Variants in KCNH8 observed in about 807,000 individuals in gnomAD.
The protein encoded by KCNH8 is voltage-gated delayed rectifier potassium channel KCNH8.
A neutral mutation model predicts 103.6 loss-of-function variants in KCNH8; 70 were observed. That is an observed-to-expected ratio of 0.68 (90% CI 0.56 to 0.82). The LOEUF (loss-of-function observed/expected upper bound fraction) is 0.82, where lower values mean the gene tolerates loss of function less well. Ranked by LOEUF, KCNH8 falls within the 40% of genes least tolerant of loss-of-function variation. KCNH8 has a pLI of 0.00. For synonymous variants in KCNH8, 498 were observed against 489.4 expected (o/e 1.02, Z -0.23); for missense variants, 1,217 against 1,329.9 (o/e 0.92, Z 1.32).
At chr3:19,192,739 A>T (rs1414899775) in intron 1 of KCNH8, among the ~76,000 whole-genome samples, 1 of 151,624 alleles carries the variant, frequency 6.6e-6, no homozygotes, top group Non-Finnish European at 1.5e-5. Context: ...CGAGTAACTG[A>T]TTATATTTTT....
chr3:19,295,408 AAATAAATAAATAAAT>A (rs2064983707), intron 3 of KCNH8, among the ~76,000 whole-genome samples: 2 of 151,704 alleles, frequency 1.3e-5, no homozygotes, highest in African/African-American at 4.8e-5. Flanking sequence ...ATAAATAAAT[AAATAAATAAATAAAT>A]AAGTTCAGGC....
intron 5 of KCNH8, among the ~76,000 whole-genome samples, chr3:19,372,749 T>C (rs1206946380): frequency 6.6e-6 from 1 of 152,138 alleles, no homozygotes; most frequent in Non-Finnish European, 1.5e-5. Context: ...GCTGTGGGTT[T>C]GTCATAGATA....
At chr3:19,166,354 A>G (rs1298433359) in intron 1 of KCNH8, among the ~76,000 whole-genome samples, 2 of 152,204 alleles carry the variant, frequency 1.3e-5, no homozygotes, top group African/African-American at 2.4e-5. Context: ...ATCAAAAAAG[A>G]GTTCTGATAT....
rs2063355168 is a variant in KCNH8, at chr3:19,172,226, A to G, written c.76+23431A>G. ...GCAAAAAAATTGTATTTGGAACTAT[A>G]TGTACCTCAGAGAAAGAGGGGGGCC... On this transcript the variant is annotated intron_variant, in intron 1 of 15. Transcript: ENST00000328405. 2.0e-5 allele frequency among the ~76,000 whole-genome samples: 3 copies of G among 152,196 alleles called. No homozygotes were observed. The South Asian group carries it at 6.2e-4, about 32-fold the overall frequency.
At chr3:19,346,074 T>C (rs1425498436) in intron 4 of KCNH8, among the ~76,000 whole-genome samples, 1 of 152,198 alleles carries the variant, frequency 6.6e-6, no homozygotes, top group East Asian at 1.9e-4. Flanking sequence ...AAAAAACTTA[T>C]GTGGATAGAA....
chr3:19,372,330 C>T (rs537858690), intron 5 of KCNH8, among the ~76,000 whole-genome samples: 5 of 150,570 alleles, frequency 3.3e-5, no homozygotes, highest in Non-Finnish European at 5.9e-5. Context: ...TCCTTCACAT[C>T]CCTTGTAAGT....
At chr3:19,226,109 A>G (rs1293724455) in intron 1 of KCNH8, among the ~76,000 whole-genome samples, 1 of 152,238 alleles carries the variant, frequency 6.6e-6, no homozygotes, top group African/African-American at 2.4e-5. Context: ...TAAATATTGA[A>G]TGCTTGTCTT....
chr3:19,319,736 A>G (rs545836445), intron 3 of KCNH8, among the ~76,000 whole-genome samples: 90 of 152,110 alleles, frequency 5.9e-4, no homozygotes, highest in Non-Finnish European at 4.4e-5. Context: ...AATTGCATTG[A>G]ATTTGCAGAT....
intron 1 of KCNH8, among the ~76,000 whole-genome samples, chr3:19,221,643 C>G (rs2063875827): frequency 6.6e-6 from 1 of 151,996 alleles, no homozygotes; most frequent in South Asian, 2.1e-4. Flanking sequence ...CTTCTACAGC[C>G]TTATCAATTC....
chr3:19,254,146 TTAAAA>T lies in KCNH8; in HGVS notation c.310+264_310+268del, dbSNP rs545521520. 4.4e-3 allele frequency among the ~76,000 whole-genome samples: 665 copies of T among 152,252 alleles called. 5 individuals carry two copies. Among genetic ancestry groups the T allele is most frequent in the African/African-American group, 0.015 (609 of 41,552 alleles). On this transcript the variant is annotated intron_variant, in intron 2 of 15. Coordinates refer to ENST00000328405, the MANE Select transcript of KCNH8 (RefSeq NM_144633.3). ...CATATATTAACTGAGTTAATATATG[TTAAAA>T]TAAAGTACGTTACTATTATATTTTG...
At chr3:19,510,180 T>C (rs1431144423) in intron 11 of KCNH8, among the ~76,000 whole-genome samples, 183 bp from the exon 12 acceptor site, 1 of 152,156 alleles carries the variant, frequency 6.6e-6, no homozygotes, top group Non-Finnish European at 1.5e-5. Flanking sequence ...GCAGTTGTTT[T>C]TGGCACATTG....
chr3:19,497,722 T>C (rs978864549), intron 11 of KCNH8, among the ~76,000 whole-genome samples: 1 of 152,192 alleles, frequency 6.6e-6, no homozygotes, highest in African/African-American at 2.4e-5. Context: ...TCTGTTGTTT[T>C]GGGTGGAGAG....
intron 7 of KCNH8, among the ~76,000 whole-genome samples, chr3:19,406,409 A>C (rs899978763): frequency 2.6e-5 from 4 of 152,118 alleles, no homozygotes; most frequent in African/African-American, 9.7e-5. Flanking sequence ...GTAGTTTCTT[A>C]AATTGAGAGA....
At chr3:19,404,695 GA>G (rs1359159440) in intron 7 of KCNH8, among the ~76,000 whole-genome samples, 2 of 151,840 alleles carry the variant, frequency 1.3e-5, no homozygotes, top group East Asian at 1.9e-4. Context: ...AGAATAAAAT[GA>G]AAAGAGATTT....
intron 11 of KCNH8, among the ~76,000 whole-genome samples, chr3:19,493,331 G>A (rs2068367236): frequency 6.6e-6 from 1 of 152,084 alleles, no homozygotes; most frequent in Non-Finnish European, 1.5e-5. Flanking sequence ...ATCTTAAATT[G>A]TAATCCCCAG....
intron 5 of KCNH8, among the ~76,000 whole-genome samples, chr3:19,358,125 G>GA (rs1213956672): frequency 1.3e-5 from 2 of 151,730 alleles, no homozygotes; most frequent in African/African-American, 4.8e-5. Flanking sequence ...TGGCTTACTA[G>GA]AAAAAAATAC....
At chr3:19,509,090 T>C (rs956138250) in intron 11 of KCNH8, among the ~76,000 whole-genome samples, 1 of 152,230 alleles carries the variant, frequency 6.6e-6, no homozygotes, top group African/African-American at 2.4e-5. Context: ...TTTTTAATTA[T>C]TCAGCTGTTT....
At chr3:19,346,822 A>G (rs2065736138) in intron 4 of KCNH8, 2 of 382,462 alleles carry the variant, frequency 5.2e-6, no homozygotes, top group African/African-American at 2.1e-5. Flanking sequence ...TATATTTCCC[A>G]TTAATTGAGG....
chr3:19,496,457 G>GT (rs372678594), intron 11 of KCNH8, among the ~76,000 whole-genome samples: 16 of 152,178 alleles, frequency 1.1e-4, no homozygotes, highest in African/African-American at 3.1e-4. Flanking sequence ...ATAATCATGG[G>GT]TTTTTTATTT....
Sources: allele counts gnomAD v4.1 joint callset (sites outside exome capture counted in the v4.1 genomes callset), GRCh38; gene constraint gnomAD v4.1.1; transcripts MANE v1.5; gene names NCBI Gene and HGNC (gene_info 2026-07-23, HGNC 2026-07-21).